The following GRM7 variants were observed in gnomAD, a reference collection of about 807,000 sequenced individuals.
GRM7 encodes the protein metabotropic glutamate receptor 7.
GRM7 carries 35 observed loss-of-function variants against 84.5 expected under a neutral mutation model. The ratio of observed to expected loss-of-function variants is 0.41; its 90% confidence interval spans 0.32 to 0.55. The LOEUF is 0.55. Ranked by LOEUF, GRM7 falls within the 20% of genes least tolerant of loss-of-function variation. The pLI, the probability that GRM7 is intolerant of heterozygous loss-of-function variation, is 0.19. For missense variants in GRM7, 1,003 were observed against 1,194.6 expected (o/e 0.84, Z 2.36); for synonymous variants, 487 against 455.1 (o/e 1.07, Z -0.89).
intron 2 of GRM7, among the ~76,000 whole-genome samples, chr3:7,254,400 G>C (rs1575085926): frequency 1.3e-5 from 2 of 152,178 alleles, no homozygotes; most frequent in Non-Finnish European, 2.9e-5. Context: ...TGAACACTCA[G>C]AATTGTGGCT....
At chr3:6,877,572 G>A (rs999091444) in intron 1 of GRM7, among the ~76,000 whole-genome samples, 1 of 152,128 alleles carries the variant, frequency 6.6e-6, no homozygotes, top group Non-Finnish European at 1.5e-5. Flanking sequence ...ATGGGGCCTA[G>A]CATCACCTAG....
rs145208052 is a variant in GRM7 at position 7,326,618 on chromosome 3, C to T, written c.1033+19966C>T. On this transcript the variant is annotated intron_variant, in intron 4 of 9. Transcript: ENST00000357716. ...ATCCCAGCACTTTTGGGGGCCGAGG[C>T]GGGTGGATCATCTGAGGTCAGGAGT... Among the ~76,000 whole-genome samples, 452 of 152,046 alleles carry T rather than the reference C, an allele frequency of 3.0e-3. 3 individuals carry two copies. Among genetic ancestry groups the T allele is most frequent in the African/African-American group, 9.6e-3 (400 of 41,472 alleles).
chr3:7,719,270 C>A (rs896897327), intron 9 of GRM7, among the ~76,000 whole-genome samples: 1 of 152,134 alleles, frequency 6.6e-6, no homozygotes, highest in African/African-American at 2.4e-5. Context: ...TAAAATATTT[C>A]TTTATCCAAA....
At chr3:6,914,338 C>T (rs1361476747) in intron 1 of GRM7, among the ~76,000 whole-genome samples, 2 of 152,144 alleles carry the variant, frequency 1.3e-5, no homozygotes, top group African/African-American at 4.8e-5. Context: ...ATTTTATGCT[C>T]TCTAAAATGA....
intron 1 of GRM7, among the ~76,000 whole-genome samples, chr3:6,923,725 T>A (rs1029300174): frequency 6.6e-6 from 1 of 152,244 alleles, no homozygotes; most frequent in African/African-American, 2.4e-5. Context: ...GCTCTATCCA[T>A]GAATTATTTA....
chr3:7,079,349 G>C (rs982537843), intron 1 of GRM7, among the ~76,000 whole-genome samples: 10 of 151,980 alleles, frequency 6.6e-5, no homozygotes, highest in Non-Finnish European at 1.2e-4. Flanking sequence ...GATATTGTGA[G>C]GACAGACAAT....
intron 1 of GRM7, among the ~76,000 whole-genome samples, chr3:6,963,406 G>T (rs767453386): frequency 6.6e-6 from 1 of 152,156 alleles, no homozygotes; most frequent in Non-Finnish European, 1.5e-5. Context: ...AAGATGTATA[G>T]ATTACTGCAT....
chr3:7,306,797 G>A, intron 4 of GRM7, 145 bp downstream of exon 4: 1 of 590,290 alleles, frequency 1.7e-6, no homozygotes, highest in Non-Finnish European at 2.9e-6. Flanking sequence ...ATGCAAATGA[G>A]GCCACACACC....
chr3:7,463,649 A>T (rs973120729), intron 7 of GRM7, among the ~76,000 whole-genome samples: 6 of 152,100 alleles, frequency 3.9e-5, no homozygotes, highest in Non-Finnish European at 8.8e-5. Flanking sequence ...ATGGAGGTAG[A>T]AAAGGAAGGA....
chr3:7,319,523 C>A (rs1858061), intron 4 of GRM7, among the ~76,000 whole-genome samples: 51,764 of 151,762 alleles, frequency 0.34, 9,492 homozygotes, highest in East Asian at 0.45. Flanking sequence ...TTGATATCAA[C>A]CTAGTGCTGA....
intron 8 of GRM7, among the ~76,000 whole-genome samples, chr3:7,626,065 G>C (rs574724819): frequency 1.2e-4 from 18 of 152,170 alleles, no homozygotes; most frequent in African/African-American, 4.1e-4. Context: ...TTCTGGGAGA[G>C]GGGGAGCTGT....
intron 2 of GRM7, among the ~76,000 whole-genome samples, chr3:7,223,586 A>AT: frequency 6.6e-6 from 1 of 152,016 alleles, no homozygotes. Flanking sequence ...TTTTATAGAA[A>AT]TGTTTTATAT....
Position 6,871,178 on chromosome 3 carries a change from C to T in GRM7, c.519+9271C>T, listed in dbSNP as rs543357647. ...GTGACACAATTATTCTGGTCAGACA[C>T]CATAACTATAAACATTTAGAGGAAG... On this transcript the variant is annotated intron_variant, in intron 1 of 9. Transcript: ENST00000357716. Among the ~76,000 whole-genome samples, 14 of 152,196 alleles carry T rather than the reference C, an allele frequency of 9.2e-5. No homozygotes were observed. In the South Asian group the frequency reaches 2.5e-3, roughly 27 times the overall value.
intron 1 of GRM7, among the ~76,000 whole-genome samples, chr3:7,095,106 A>G (rs1364372317): frequency 6.6e-6 from 1 of 152,074 alleles, no homozygotes; most frequent in Non-Finnish European, 1.5e-5. Flanking sequence ...GTTGATTTAC[A>G]GCAATGCCCA....
rs76397545 is a variant in GRM7 at position 6,870,846 on chromosome 3, A to C, written c.519+8939A>C. 8.8e-3 allele frequency among the ~76,000 whole-genome samples: 1,338 copies of C among 152,282 alleles called. 13 individuals are homozygous for C. Among genetic ancestry groups the C allele is most frequent in the Non-Finnish European group, 0.011 (751 of 68,018 alleles). ...TTGAGATTATTATCATCTGAAATTGAAAAGATTCAATTGGGGTGGAACAGG... is the reference window on the plus strand; with the variant it reads ...TTGAGATTATTATCATCTGAAATTGCAAAGATTCAATTGGGGTGGAACAGG... On this transcript the variant is annotated intron_variant, in intron 1 of 9. Coordinates refer to ENST00000357716, the MANE Select transcript of GRM7 (RefSeq NM_000844.4).
intron 1 of GRM7, among the ~76,000 whole-genome samples, chr3:6,970,671 C>T (rs2125093229): frequency 6.6e-6 from 1 of 152,076 alleles, no homozygotes; most frequent in South Asian, 2.1e-4. Flanking sequence ...ACCAGTTAGG[C>T]AGTTCCTACA....
chr3:6,876,794 G>T (rs1303340058), intron 1 of GRM7, among the ~76,000 whole-genome samples: 3 of 151,832 alleles, frequency 2.0e-5, no homozygotes, highest in Non-Finnish European at 4.4e-5. Flanking sequence ...TAGAGACGGG[G>T]TTTCACTATA....
At chr3:7,493,550 A>G (rs1312485620) in intron 7 of GRM7, among the ~76,000 whole-genome samples, 1 of 151,958 alleles carries the variant, frequency 6.6e-6, no homozygotes, top group Non-Finnish European at 1.5e-5. Flanking sequence ...TTTACCTTCA[A>G]CCTAACTAGT....
At chr3:6,999,965 T>C (rs1311839491) in intron 1 of GRM7, among the ~76,000 whole-genome samples, 1 of 152,220 alleles carries the variant, frequency 6.6e-6, no homozygotes, top group Non-Finnish European at 1.5e-5. Context: ...ATAAAAGATG[T>C]ATTAATTTCA....
Sources: gnomAD v4.1 joint callset for allele counts (sites outside exome capture counted in the v4.1 genomes callset) on GRCh38, gnomAD v4.1.1 for gene constraint, MANE v1.5 for transcripts, NCBI Gene and HGNC (gene_info 2026-07-23, HGNC 2026-07-21) for gene names.